Variants in CD1B observed in about 807,000 individuals in gnomAD.
CD1B encodes T-cell surface glycoprotein CD1b.
In CD1B, 43 loss-of-function variants were observed where a neutral mutation model predicts 39.8. That is an observed-to-expected ratio of 1.08 (90% confidence interval 0.85 to 1.39). The LOEUF is 1.39. CD1B is among the 40% of genes most tolerant of loss of function. The pLI, the probability that CD1B is intolerant of heterozygous loss-of-function variation, is 0.00. For synonymous variants in CD1B, 192 were observed against 152.5 expected (o/e 1.26, Z -1.91); for missense variants, 495 against 403.8 (o/e 1.23, Z -1.94).
At chr1:158,291,115 G>A in the CD1B span, 1 of 1,550,774 alleles carries the variant, frequency 6.4e-7, no homozygotes, top group Non-Finnish European at 8.8e-7. Context: ...TACACTACTT[G>A]CCCTTCTTCC....
chr1:158,289,419 T>C, the CD1B span, among the ~76,000 whole-genome samples: 1 of 152,218 alleles, frequency 6.6e-6, no homozygotes, highest in Non-Finnish European at 1.5e-5. Context: ...AAGGATAATG[T>C]AGAGTGGACT....
the CD1B span, among the ~76,000 whole-genome samples, chr1:158,314,561 TCTA>T: frequency 6.6e-6 from 1 of 152,302 alleles, no homozygotes; most frequent in African/African-American, 2.4e-5. Context: ...CTGAAATCTT[TCTA>T]CTTTTTAAAT....
chr1:158,293,630 A>G, the CD1B span: 84 of 1,560,774 alleles, frequency 5.4e-5, no homozygotes, highest in African/African-American at 1.1e-3. Context: ...CTAATTTGGA[A>G]TGTTTTTCTT....
the CD1B span, chr1:158,291,112 C>T: frequency 1.3e-6 from 2 of 1,586,924 alleles, no homozygotes; most frequent in Non-Finnish European, 1.7e-6. Context: ...CCTTACACTA[C>T]TTGCCCTTCT....
chr1:158,310,567 T>C, the CD1B span, among the ~76,000 whole-genome samples: 1 of 152,284 alleles, frequency 6.6e-6, no homozygotes, highest in African/African-American at 2.4e-5. Flanking sequence ...AAACTATGTG[T>C]ATGACAAAGA....
At chr1:158,306,575 T>A in the CD1B span, among the ~76,000 whole-genome samples, 3 of 152,082 alleles carry the variant, frequency 2.0e-5, no homozygotes, top group African/African-American at 7.2e-5. Context: ...CTGCACCAAG[T>A]GGACCTAATA....
At chr1:158,288,659 C>T in the CD1B span, among the ~76,000 whole-genome samples, 1 of 152,228 alleles carries the variant, frequency 6.6e-6, no homozygotes, top group African/African-American at 2.4e-5. Flanking sequence ...TCCCAAAGTG[C>T]TGGGATTACA....
At chr1:158,294,312 A>G in the CD1B span, among the ~76,000 whole-genome samples, 10 of 152,226 alleles carry the variant, frequency 6.6e-5, no homozygotes, top group Admixed American at 2.0e-4. Context: ...GCTAAACTTT[A>G]GTCCCTTTAG....
At chr1:158,330,499 G>C (rs1204240940) in intron 2 of CD1B, 1 of 593,228 alleles carries the variant, frequency 1.7e-6, no homozygotes, top group South Asian at 1.8e-5. Flanking sequence ...AGATCACTCA[G>C]GCACAGGGTA....
At chr1:158,315,541 T>C in the CD1B span, among the ~76,000 whole-genome samples, 1 of 151,916 alleles carries the variant, frequency 6.6e-6, no homozygotes, top group Admixed American at 6.6e-5. Context: ...GAGTTCATTG[T>C]AGATTCTCGA....
chr1:158,329,826 G>A (rs1209556861), intron 3 of CD1B, 26 bp downstream of exon 3: 1 of 1,599,250 alleles, frequency 6.3e-7, no homozygotes, highest in East Asian at 2.2e-5. Context: ...GGAGGTGGTG[G>A]GAAGTGAAAT....
the CD1B span, among the ~76,000 whole-genome samples, chr1:158,295,897 T>C: frequency 0.38 from 57,043 of 151,996 alleles, 12,753 homozygotes; most frequent in African/African-American, 0.62. Context: ...CTGGCATACA[T>C]ACACAGACAT....
chr1:158,292,950 G>A, the CD1B span: 1 of 1,425,526 alleles, frequency 7.0e-7, no homozygotes, highest in Non-Finnish European at 9.7e-7. Context: ...TTTGAGGATA[G>A]CAGACCTAGG....
At chr1:158,307,365 C>A in the CD1B span, among the ~76,000 whole-genome samples, 6 of 151,776 alleles carry the variant, frequency 4.0e-5, no homozygotes, top group Non-Finnish European at 7.4e-5. Context: ...ACACGTACAC[C>A]CCCCCAAGAC....
chr1:158,302,208 A>G, the CD1B span, among the ~76,000 whole-genome samples: 3 of 152,234 alleles, frequency 2.0e-5, no homozygotes, highest in Non-Finnish European at 4.4e-5. Flanking sequence ...TGGGTAAACA[A>G]CGAAGTCAGA....
At chr1:158,315,191 C>T in the CD1B span, among the ~76,000 whole-genome samples, 9 of 152,124 alleles carry the variant, frequency 5.9e-5, no homozygotes, top group Admixed American at 5.9e-4. Flanking sequence ...ATGGCTGGGT[C>T]AAATGGTATT....
At chr1:158,314,765 C>T in the CD1B span, among the ~76,000 whole-genome samples, 1 of 151,524 alleles carries the variant, frequency 6.6e-6, no homozygotes, top group Admixed American at 6.6e-5. Context: ...ACTAACTCGT[C>T]ATCTAGCATT....
At chr1:158,328,300 T>C (rs1432505140) in intron 5 of CD1B, 43 bp from the exon 6 acceptor site, 2 of 1,503,736 alleles carry the variant, frequency 1.3e-6, no homozygotes, top group East Asian at 4.5e-5. Context: ...ATAAAAGATG[T>C]TTGTACACCC....
At position 158,329,373 on chromosome 1, in the gene CD1B, A is replaced by G; in HGVS notation, c.883T>C (p.Trp295Arg). 6.2e-7 allele frequency: 1 copy of G among 1,612,872 alleles called. No homozygotes were observed. The highest frequency in any genetic ancestry group is 1.1e-5 in the South Asian group (1 of 91,008). ...CTGGGTCCCTGCTATTTCTTACTCC[A>G]GTAGAGGATGATGTCCTGGCCCTCT... Reference protein sequence around the residue: ...SLEGQDIILYWRNPTSIGSIV... With the variant: ...SLEGQDIILYRRNPTSIGSIV... The change falls in exon 4 of 6, where the codon TGG becomes CGG. Residue 295 changes from tryptophan (W) to arginine (R), a missense_variant. Trp to Arg is a moderately radical substitution (Grantham distance 101). Coordinates refer to ENST00000368168, the MANE Select transcript of CD1B (RefSeq NM_001764.3).
Sources: gnomAD v4.1 joint callset for allele counts (sites outside exome capture counted in the v4.1 genomes callset) on GRCh38, gnomAD v4.1.1 for gene constraint, MANE v1.5 for transcripts, NCBI Gene and HGNC (gene_info 2026-07-23, HGNC 2026-07-21) for gene names.